The following CALB2 variants were observed in gnomAD, a reference collection of about 807,000 sequenced individuals.
CALB2 encodes calbindin 2, also known as calretinin.
In CALB2, 34 loss-of-function variants were observed where a neutral mutation model predicts 45.9. That is an observed-to-expected ratio of 0.74 (90% confidence interval 0.56 to 0.99). The LOEUF (loss-of-function observed/expected upper bound fraction) is 0.99. CALB2 is among the 50% of genes least tolerant of loss of function. The pLI is 0.00. For synonymous variants in CALB2, 142 were observed against 129.6 expected (o/e 1.10, Z -0.65); for missense variants, 344 against 339.3 (o/e 1.01, Z -0.11).
chr16:71,368,313 C>T (rs2042310126), intron 1 of CALB2, among the ~76,000 whole-genome samples: 1 of 152,084 alleles, frequency 6.6e-6, no homozygotes, highest in Non-Finnish European at 1.5e-5. Context: ...ATTTAAAGAC[C>T]AGCCTGGGCA....
At chr16:71,377,136 T>C (rs2042425824) in intron 3 of CALB2, among the ~76,000 whole-genome samples, 1 of 152,318 alleles carries the variant, frequency 6.6e-6, no homozygotes, top group Admixed American at 6.5e-5. Flanking sequence ...AGAGGGTACC[T>C]GCATTTTTCA....
intron 1 of CALB2, among the ~76,000 whole-genome samples, chr16:71,371,484 G>C (rs2042350150): frequency 2.6e-5 from 4 of 152,202 alleles, no homozygotes; most frequent in Admixed American, 2.6e-4. Context: ...GGCTCTGCTA[G>C]AGCTCTGAGG....
chr16:71,376,615 C>CCATCCACATGCACCCACATG (rs2042416527), intron 3 of CALB2, among the ~76,000 whole-genome samples: 1 of 150,990 alleles, frequency 6.6e-6, no homozygotes, highest in Admixed American at 6.6e-5. Flanking sequence ...GTACCCACAT[C>CCATCCACATGCACCCACATG]CATCCACATG....
At chr16:71,364,943 C>G (rs958373743) in intron 1 of CALB2, among the ~76,000 whole-genome samples, 5 of 152,190 alleles carry the variant, frequency 3.3e-5, no homozygotes, top group African/African-American at 4.8e-5. Flanking sequence ...TCTCCTTCCC[C>G]CTCCGATTCC....
intron 1 of CALB2, among the ~76,000 whole-genome samples, chr16:71,370,757 T>G (rs555036865): frequency 2.6e-5 from 4 of 152,312 alleles, no homozygotes; most frequent in African/African-American, 9.6e-5. Context: ...CCCCAGGAGA[T>G]TCTTTGCCAC....
intron 4 of CALB2, among the ~76,000 whole-genome samples, chr16:71,380,197 CG>C (rs1347227760): frequency 6.6e-6 from 1 of 151,408 alleles, no homozygotes; most frequent in East Asian, 1.9e-4. Context: ...AGCATCTCCC[CG>C]GACCCTTTTC....
At chr16:71,385,545 G>C (rs1368101556) in intron 9 of CALB2, 32 bp from the exon 10 acceptor site, 2 of 1,602,914 alleles carry the variant, frequency 1.2e-6, no homozygotes, top group Non-Finnish European at 1.7e-6. Context: ...CCAGGCTTTA[G>C]AGCTCTGGGT....
intron 8 of CALB2, 118 bp from the exon 9 acceptor site, chr16:71,384,659 CCACACA>C (rs747724528): frequency 1.4e-5 from 6 of 432,328 alleles, no homozygotes; most frequent in Non-Finnish European, 2.6e-5. Flanking sequence ...AGACCACACA[CCACACA>C]CACAACACAC....
rs750081662 is a variant in CALB2 at position 71,385,564 on chromosome 16, C to T, written c.628-13C>T. Reference sequence around the variant, plus strand: ...GCTTTAGAGCTCTGGGTTGACTCTGCTCCCATCCCCAGGATAGAAGCGGCT... The same window carrying T: ...GCTTTAGAGCTCTGGGTTGACTCTGTTCCCATCCCCAGGATAGAAGCGGCT... On this transcript the variant is annotated splice_polypyrimidine_tract_variant and intron_variant, in intron 9 of 10. Coordinates refer to ENST00000302628, the MANE Select transcript of CALB2 (RefSeq NM_001740.5). 6.2e-7 allele frequency: 1 copy of T among 1,613,760 alleles called. No homozygotes were observed. The highest frequency in any genetic ancestry group is 1.1e-5 in the South Asian group (1 of 91,060).
chr16:71,389,193 A>AAAAAAAATT (rs1345754605), intron 10 of CALB2, among the ~76,000 whole-genome samples: 2 of 151,728 alleles, frequency 1.3e-5, no homozygotes, highest in Non-Finnish European at 2.9e-5. Flanking sequence ...GCCTCAAAAT[A>AAAAAAAATT]AAAAAAATAA....
intron 4 of CALB2, among the ~76,000 whole-genome samples, chr16:71,382,157 A>AAGGAAGG (rs1358926796): frequency 1.9e-5 from 1 of 53,840 alleles, no homozygotes; most frequent in African/African-American, 7.0e-5. Context: ...GGAAGGAAAG[A>AAGGAAGG]AAATAAAGGA....
intron 1 of CALB2, among the ~76,000 whole-genome samples, chr16:71,369,265 A>G (rs1318503827): frequency 6.6e-6 from 1 of 152,176 alleles, no homozygotes; most frequent in Non-Finnish European, 1.5e-5. Flanking sequence ...GGAGGGTGCT[A>G]TCATTGTCCC....
At chr16:71,382,546 C>A (rs1367259560) in intron 4 of CALB2, among the ~76,000 whole-genome samples, 173 bp from the exon 5 acceptor site, 1 of 152,252 alleles carries the variant, frequency 6.6e-6, no homozygotes, top group African/African-American at 2.4e-5. Context: ...TACTTCCCTT[C>A]ATTTCCTTCT....
Position 71,387,215 on chromosome 16 carries a change from A to G in CALB2, c.699+1567A>G, listed in dbSNP as rs2042580366. 2.6e-5 allele frequency among the ~76,000 whole-genome samples: 4 copies of G among 152,344 alleles called. No homozygotes were observed. The South Asian group carries it at 8.3e-4, about 32-fold the overall frequency. On this transcript the variant is annotated intron_variant, in intron 10 of 10. Coordinates refer to ENST00000302628, the MANE Select transcript of CALB2 (RefSeq NM_001740.5). The stretch of plus-strand genomic sequence containing the variant: ...CACTAAGCTCTTCCTTGGTTCACAC[A>G]AAGGACAGCTTGTGGTGCTGCACAG...
chr16:71,388,334 C>CAAAAAAA (rs71153632), intron 10 of CALB2, among the ~76,000 whole-genome samples: 27 of 103,256 alleles, frequency 2.6e-4, no homozygotes, highest in Non-Finnish European at 4.3e-4. Flanking sequence ...GACCTTATCT[C>CAAAAAAA]AAAAAAAAAA....
intron 1 of CALB2, among the ~76,000 whole-genome samples, chr16:71,367,250 G>C (rs566541492): frequency 3.2e-4 from 48 of 152,344 alleles, no homozygotes; most frequent in African/African-American, 1.1e-3. Flanking sequence ...ACAGGATGTG[G>C]TTTGATAAGA....
At chr16:71,388,349 AAAG>A (rs1217726821) in intron 10 of CALB2, among the ~76,000 whole-genome samples, 5 of 148,026 alleles carry the variant, frequency 3.4e-5, no homozygotes, top group Non-Finnish European at 7.5e-5. Flanking sequence ...AAAAAAAAAA[AAAG>A]AAAAAGAAAA....
At chr16:71,373,055 T>C (rs2042371010) in intron 2 of CALB2, among the ~76,000 whole-genome samples, 1 of 152,182 alleles carries the variant, frequency 6.6e-6, no homozygotes, top group Non-Finnish European at 1.5e-5. Context: ...ACTACTGAGT[T>C]TGCTAAAGCC....
rs771060964 is a variant in CALB2, at chr16:71,377,720, C to T, written c.315C>T (p.His105=). ...ACTTCCTTCTGTGCTTCAGGCAGCA[C>T]GTGGGCTCCAGCGCCGAGTTTATGG... ...EENFLLCFRQ[H]VGSSAEFMEA... The change falls in exon 4 of 11, where the codon CAC becomes CAT. Residue 105 remains histidine, a synonymous_variant. Coordinates refer to ENST00000302628, the MANE Select transcript of CALB2 (RefSeq NM_001740.5). The T allele has an allele frequency of 9.9e-6, 16 of 1,614,058 alleles. No individual in the cohort carries two copies. Among genetic ancestry groups the T allele is most frequent in the Admixed American group, 1.7e-5 (1 of 60,026 alleles).
Sources: allele counts gnomAD v4.1 joint callset (sites outside exome capture counted in the v4.1 genomes callset), GRCh38; gene constraint gnomAD v4.1.1; transcripts MANE v1.5; gene names NCBI Gene and HGNC (gene_info 2026-07-23, HGNC 2026-07-21).